XYLB: variants seen among roughly 807,000 people sequenced by gnomAD.
XYLB encodes the protein xylulose kinase.
Under a neutral mutation model 78.7 loss-of-function variants are expected in XYLB, and 62 were observed. That is an observed-to-expected ratio of 0.79 (90% confidence interval 0.64 to 0.97). XYLB has a LOEUF of 0.97. Among genes scored for constraint, XYLB ranks in the 50% least tolerant of loss-of-function variants. XYLB has a pLI of 0.00. For synonymous variants in XYLB, 245 were observed against 247.4 expected (o/e 0.99, Z 0.09); for missense variants, 687 against 676.8 (o/e 1.02, Z -0.17).
intron 15 of XYLB, among the ~76,000 whole-genome samples, chr3:38,381,623 G>T (rs1425373654): frequency 6.6e-6 from 1 of 152,216 alleles, no homozygotes. Flanking sequence ...GCGCCTGCGG[G>T]TAGGTCTCTG....
At chr3:38,387,511 C>T (rs915500984) in intron 15 of XYLB, among the ~76,000 whole-genome samples, 4 of 152,086 alleles carry the variant, frequency 2.6e-5, no homozygotes, top group Admixed American at 1.3e-4. Context: ...GCTGGGACTA[C>T]AGGCAAGCGC....
At chr3:38,360,970 G>T (rs888969603) in intron 3 of XYLB, among the ~76,000 whole-genome samples, 3 of 152,222 alleles carry the variant, frequency 2.0e-5, no homozygotes, top group Non-Finnish European at 4.4e-5. Context: ...GGGAGGTGGA[G>T]GTTGCAGTGA....
intron 15 of XYLB, among the ~76,000 whole-genome samples, chr3:38,389,539 C>A (rs1270555622): frequency 1.3e-5 from 2 of 151,806 alleles, no homozygotes; most frequent in Admixed American, 6.6e-5. Context: ...AGGCACCCCC[C>A]ACCTCCCTCC....
intron 17 of XYLB, 54 bp from the exon 18 acceptor site, chr3:38,400,837 G>T (rs1473207878): frequency 6.6e-7 from 1 of 1,517,022 alleles, no homozygotes; most frequent in Non-Finnish European, 9.1e-7. Context: ...GGTGTTTTTG[G>T]TTAACGTCTT....
chr3:38,350,220 G>T (rs1384349541), intron 2 of XYLB, among the ~76,000 whole-genome samples: 1 of 152,194 alleles, frequency 6.6e-6, no homozygotes, highest in Non-Finnish European at 1.5e-5. Context: ...CCCAGCTAAT[G>T]CGGCCCCATG....
chr3:38,411,844 C>T (rs925988363), intron 18 of XYLB, among the ~76,000 whole-genome samples: 4 of 152,062 alleles, frequency 2.6e-5, no homozygotes, highest in Non-Finnish European at 4.4e-5. Flanking sequence ...GAGAAGTCTT[C>T]CTCAGGGCCT....
intron 2 of XYLB, chr3:38,355,761 G>A (rs1016912246): frequency 1.4e-6 from 1 of 703,544 alleles, no homozygotes; most frequent in African/African-American, 1.7e-5. Flanking sequence ...GGAAGCACAT[G>A]TGGAACATGA....
chr3:38,349,728 C>A (rs1705255659), intron 2 of XYLB, among the ~76,000 whole-genome samples: 1 of 152,156 alleles, frequency 6.6e-6, no homozygotes, highest in African/African-American at 2.4e-5. Context: ...TCTCACACAT[C>A]TGGCCGTTAG....
At chr3:38,429,478 T>G in the XYLB span, among the ~76,000 whole-genome samples, 1 of 152,122 alleles carries the variant, frequency 6.6e-6, no homozygotes, top group Admixed American at 6.5e-5. Flanking sequence ...CAACAGACAT[T>G]TATTTCCTCT....
intron 12 of XYLB, 58 bp downstream of exon 12, chr3:38,375,317 G>GCACCATC: frequency 6.7e-7 from 1 of 1,491,738 alleles, no homozygotes; most frequent in Non-Finnish European, 9.3e-7. Context: ...GGCAGGTCTG[G>GCACCATC]CACCATCTTG....
At chr3:38,422,565 T>C (rs1709012485), downstream of XYLB, among the ~76,000 whole-genome samples, 1 of 152,106 alleles carries the variant, frequency 6.6e-6, no homozygotes, top group Non-Finnish European at 1.5e-5. Flanking sequence ...CAATTTAACA[T>C]AGTTGGAGTT....
intron 15 of XYLB, among the ~76,000 whole-genome samples, chr3:38,384,317 C>T (rs111909657): frequency 0.087 from 13,223 of 152,220 alleles, 794 homozygotes; most frequent in Middle Eastern, 0.19. Context: ...CCACCTGCCT[C>T]GGCCTCCCAA....
At chr3:38,420,480 T>A (rs1332168739) in exon 18 of XYLB, among the ~76,000 whole-genome samples, 1 of 152,202 alleles carries the variant, frequency 6.6e-6, no homozygotes, top group Non-Finnish European at 1.5e-5. Context: ...GGGAGGAATA[T>A]TTAAAAAGAA....
At chr3:38,421,803 T>C (rs1245741465), downstream of XYLB, among the ~76,000 whole-genome samples, 4 of 152,134 alleles carry the variant, frequency 2.6e-5, no homozygotes, top group Non-Finnish European at 4.4e-5. Flanking sequence ...CCTACCCCTC[T>C]ACACCCCCTC....
intron 15 of XYLB, 37 bp from the exon 16 acceptor site, chr3:38,395,467 CT>C (rs768479035): frequency 6.2e-7 from 1 of 1,607,422 alleles, no homozygotes; most frequent in South Asian, 1.1e-5. Context: ...CTTGGGAGAA[CT>C]GGCATAGCTA....
chr3:38,429,224 C>T, the XYLB span, among the ~76,000 whole-genome samples: 1 of 152,142 alleles, frequency 6.6e-6, no homozygotes, highest in South Asian at 2.1e-4. Flanking sequence ...CCTGACTTCT[C>T]ATCCTGCCCA....
chr3:38,429,014 C>G, the XYLB span, among the ~76,000 whole-genome samples: 2 of 152,188 alleles, frequency 1.3e-5, no homozygotes, highest in African/African-American at 2.4e-5. Flanking sequence ...GCTGACAGAC[C>G]CTTCAGGGAT....
chr3:38,347,147 G>T (rs1705108584), intron 1 of XYLB, among the ~76,000 whole-genome samples: 1 of 152,196 alleles, frequency 6.6e-6, no homozygotes, highest in Non-Finnish European at 1.5e-5. Flanking sequence ...GCAAGATGCG[G>T]CCTCGACCCC....
intron 3 of XYLB, among the ~76,000 whole-genome samples, chr3:38,360,879 C>A (rs1267781410): frequency 2.6e-5 from 4 of 152,004 alleles, no homozygotes; most frequent in Non-Finnish European, 4.4e-5. Flanking sequence ...ACTAAAAATA[C>A]AAAAAATTAG....
Sources: gnomAD v4.1 joint callset for allele counts (sites outside exome capture counted in the v4.1 genomes callset) on GRCh38, gnomAD v4.1.1 for gene constraint, MANE v1.5 for transcripts, NCBI Gene and HGNC (gene_info 2026-07-23, HGNC 2026-07-21) for gene names.